PRKD1: variants seen among roughly 807,000 people sequenced by gnomAD.
PRKD1 encodes the protein protein kinase D1.
In PRKD1, 63 loss-of-function variants were observed where a neutral mutation model predicts 95.9. The ratio of observed to expected loss-of-function variants is 0.66; its 90% confidence interval spans 0.54 to 0.81. PRKD1 has a LOEUF of 0.81. Among genes scored for constraint, PRKD1 ranks in the 30% least tolerant of loss-of-function variants. PRKD1 has a pLI of 0.00. For missense variants in PRKD1, 1,048 were observed against 1,165.3 expected, an observed-to-expected ratio of 0.90 and a Z score of 1.47; for synonymous variants, 425 against 423.1, an observed-to-expected ratio of 1.00 and a Z score of -0.05.
At chr14:29,856,932 T>C (rs977090276) in intron 1 of PRKD1, among the ~76,000 whole-genome samples, 2 of 152,174 alleles carry the variant, frequency 1.3e-5, no homozygotes, top group Non-Finnish European at 2.9e-5. Flanking sequence ...ACAGTTCCTC[T>C]GGAATCACCA....
intron 1 of PRKD1, among the ~76,000 whole-genome samples, chr14:29,822,105 CTGCCCAGATCTTCAA>C: frequency 6.6e-6 from 1 of 152,310 alleles, no homozygotes; most frequent in African/African-American, 2.4e-5. Context: ...GATTAATGCA[CTGCCCAGATCTTCAA>C]TGTTTTTGGC....
At chr14:29,739,885 T>A (rs1474142664) in intron 1 of PRKD1, among the ~76,000 whole-genome samples, 1 of 152,224 alleles carries the variant, frequency 6.6e-6, no homozygotes, top group Non-Finnish European at 1.5e-5. Context: ...AGCAATAAGA[T>A]ATGACTTAAT....
At chr14:29,859,919 A>C (rs916965403) in intron 1 of PRKD1, among the ~76,000 whole-genome samples, 5 of 152,232 alleles carry the variant, frequency 3.3e-5, no homozygotes, top group African/African-American at 7.2e-5. Flanking sequence ...ACAATGCATA[A>C]TTAAAATTAT....
chr14:29,777,750 C>T (rs1415595252), intron 1 of PRKD1, among the ~76,000 whole-genome samples: 2 of 152,124 alleles, frequency 1.3e-5, no homozygotes, highest in Middle Eastern at 3.4e-3. Flanking sequence ...CAGAAAGTTA[C>T]CAAGGATATA....
At chr14:29,915,873 C>T (rs1016884363) in intron 1 of PRKD1, among the ~76,000 whole-genome samples, 10 of 152,120 alleles carry the variant, frequency 6.6e-5, no homozygotes, top group Non-Finnish European at 1.2e-4. Flanking sequence ...CTGCTTTTTA[C>T]GTAGTAGCTG....
At chr14:29,827,803 A>C (rs575977283) in intron 1 of PRKD1, among the ~76,000 whole-genome samples, 1 of 152,152 alleles carries the variant, frequency 6.6e-6, no homozygotes, top group Admixed American at 6.6e-5. Context: ...AGGCAAAAAG[A>C]GTAGAATTAA....
intron 2 of PRKD1, among the ~76,000 whole-genome samples, chr14:29,691,534 T>C (rs373932701): frequency 6.6e-6 from 1 of 152,208 alleles, no homozygotes; most frequent in Non-Finnish European, 1.5e-5. Flanking sequence ...CAAGTCCATA[T>C]TGCCTTGCAG....
rs775404116 is a variant in PRKD1 at position 29,577,240 on chromosome 14, A to G, written c.2737T>C (p.Ter913ArgextTer21). The change falls in exon 18 of 18, where the codon TGA becomes CGA. Residue 913 changes from the stop codon to arginine (R), a stop_lost. Coordinates refer to ENST00000331968, the MANE Select transcript of PRKD1 (RefSeq NM_002742.3). Reference sequence around the variant, plus strand: ...TGACAGATTATAGGAGATGGAACTCAGAGGATGCTGACACGCTCACCGAGG... The same window carrying G: ...TGACAGATTATAGGAGATGGAACTCGGAGGATGCTGACACGCTCACCGAGG... ...KALGERVSIL[*>R] 32 of 1,610,796 alleles carry G rather than the reference A, an allele frequency of 2.0e-5. No homozygotes were observed. Among genetic ancestry groups the G allele is most frequent in the African/African-American group, 4.0e-5 (3 of 74,798 alleles).
chr14:29,765,949 G>A (rs1888237103), intron 1 of PRKD1, among the ~76,000 whole-genome samples: 1 of 152,098 alleles, frequency 6.6e-6, no homozygotes, highest in African/African-American at 2.4e-5. Context: ...ACCTGGGGGT[G>A]ACTGCATGGG....
chr14:29,626,348 A>G, intron 12 of PRKD1, 136 bp downstream of exon 12: 2 of 728,664 alleles, frequency 2.7e-6, no homozygotes, highest in Non-Finnish European at 4.4e-6. Flanking sequence ...TTTTAAACGC[A>G]GAACACAAAA....
chr14:29,849,944 CA>C (rs1232704790), intron 1 of PRKD1, among the ~76,000 whole-genome samples: 12 of 152,072 alleles, frequency 7.9e-5, no homozygotes, highest in Non-Finnish European at 1.6e-4. Context: ...GAATCAAAAA[CA>C]AAAACCATAA....
intron 1 of PRKD1, among the ~76,000 whole-genome samples, chr14:29,896,065 T>A (rs1894114076): frequency 6.6e-6 from 1 of 152,226 alleles, no homozygotes; most frequent in Admixed American, 6.5e-5. Flanking sequence ...GAATACCATC[T>A]ACTTTACAAT....
chr14:29,788,548 T>G (rs1396750241), intron 1 of PRKD1, among the ~76,000 whole-genome samples: 10 of 152,176 alleles, frequency 6.6e-5, no homozygotes, highest in African/African-American at 2.4e-4. Context: ...GAACTAAAAT[T>G]TGAGTATTTA....
At chr14:29,836,987 C>T (rs1264993551) in intron 1 of PRKD1, among the ~76,000 whole-genome samples, 1 of 152,158 alleles carries the variant, frequency 6.6e-6, no homozygotes, top group Non-Finnish European at 1.5e-5. Context: ...GGTTACCTTA[C>T]ATTCTGGCTT....
chr14:29,812,095 C>T (rs992065664), intron 1 of PRKD1: 9 of 152,174 alleles, frequency 5.9e-5, no homozygotes, highest in Admixed American at 2.0e-4. Context: ...CTTGGGAAAT[C>T]TGGATTGTGT....
intron 1 of PRKD1, among the ~76,000 whole-genome samples, chr14:29,869,211 G>A (rs960315368): frequency 6.6e-6 from 1 of 152,110 alleles, no homozygotes; most frequent in Non-Finnish European, 1.5e-5. Flanking sequence ...GGGAGGCCGA[G>A]GAGGATGGAT....
intron 13 of PRKD1, among the ~76,000 whole-genome samples, chr14:29,604,054 A>C (rs1392147596): frequency 6.6e-6 from 1 of 152,192 alleles, no homozygotes; most frequent in Non-Finnish European, 1.5e-5. Context: ...GTATATAATC[A>C]ATGGAAATTA....
At chr14:29,592,012 A>G (rs1893146222) in intron 16 of PRKD1, among the ~76,000 whole-genome samples, 1 of 152,220 alleles carries the variant, frequency 6.6e-6, no homozygotes, top group Non-Finnish European at 1.5e-5. Context: ...CTGCCCTTCC[A>G]TAGATAAAGT....
chr14:29,608,711 G>T (rs752127546), intron 13 of PRKD1, among the ~76,000 whole-genome samples: 1 of 152,106 alleles, frequency 6.6e-6, no homozygotes, highest in Non-Finnish European at 1.5e-5. Context: ...TCTACTCTAA[G>T]GTCAATTAAG....
Sources: gnomAD v4.1 joint callset for allele counts (sites outside exome capture counted in the v4.1 genomes callset) on GRCh38, gnomAD v4.1.1 for gene constraint, MANE v1.5 for transcripts, NCBI Gene and HGNC (gene_info 2026-07-23, HGNC 2026-07-21) for gene names.